The following METTL15 variants were observed in gnomAD, a reference collection of about 807,000 sequenced individuals.
METTL15 encodes the protein methyltransferase 15, mitochondrial 12S rRNA N4-cytidine.
Under a neutral mutation model 38.3 loss-of-function variants are expected in METTL15, and 34 were observed. The observed-to-expected ratio is 0.89, with a 90% CI of 0.68 to 1.18. METTL15 has a LOEUF of 1.18. METTL15 is among the 50% of genes most tolerant of loss of function. The probability of loss-of-function intolerance (pLI) is 0.00; values close to 1 mark genes in which losing one functional copy is unlikely to be tolerated. For missense variants in METTL15, 438 were observed against 498.4 expected (o/e 0.88, Z 1.15); for synonymous variants, 162 against 170.9 (o/e 0.95, Z 0.41).
chr11:28,355,045 C>T (rs1394964129), intron 4 of METTL15, among the ~76,000 whole-genome samples: 1 of 152,144 alleles, frequency 6.6e-6, no homozygotes, highest in Non-Finnish European at 1.5e-5. Flanking sequence ...TACAGGAGAA[C>T]TCTGAAGGAC....
chr11:28,167,484 C>T (rs1166102254), intron 3 of METTL15, among the ~76,000 whole-genome samples: 2 of 152,042 alleles, frequency 1.3e-5, no homozygotes, highest in African/African-American at 4.8e-5. Context: ...CTGTTACCAC[C>T]GTAGTACTTT....
chr11:28,223,032 A>C (rs992843591), intron 4 of METTL15, among the ~76,000 whole-genome samples: 2 of 152,172 alleles, frequency 1.3e-5, no homozygotes, highest in African/African-American at 4.8e-5. Flanking sequence ...GAGGATGTGC[A>C]GAAAAGGATA....
intron 3 of METTL15, among the ~76,000 whole-genome samples, chr11:28,208,006 C>T (rs1335896422): frequency 6.6e-6 from 1 of 151,980 alleles, no homozygotes; most frequent in African/African-American, 2.4e-5. Context: ...CTCATTTCTT[C>T]TTTATTAGTC....
chr11:28,336,839 C>T (rs1849905126), downstream of METTL15, among the ~76,000 whole-genome samples: 1 of 152,042 alleles, frequency 6.6e-6, no homozygotes, highest in Non-Finnish European at 1.5e-5. Flanking sequence ...GAGTGTACTC[C>T]TTGTACTTAT....
chr11:28,138,588 G>T (rs1849591930), intron 3 of METTL15, among the ~76,000 whole-genome samples: 1 of 152,172 alleles, frequency 6.6e-6, no homozygotes, highest in South Asian at 2.1e-4. Context: ...GAGAAAGAAA[G>T]ATTTAAGAAA....
chr11:28,503,083 G>T (rs537914678), intron 6 of METTL15, among the ~76,000 whole-genome samples: 2 of 152,148 alleles, frequency 1.3e-5, no homozygotes, highest in East Asian at 3.8e-4. Context: ...GTCCTTGAAC[G>T]CCTCCCAGGA....
At chr11:28,295,105 C>T (rs993673096) in intron 5 of METTL15, among the ~76,000 whole-genome samples, 18 of 152,012 alleles carry the variant, frequency 1.2e-4, no homozygotes, top group African/African-American at 3.1e-4. Context: ...ATTTAAGCCA[C>T]GAATTATGCC....
intron 6 of METTL15, among the ~76,000 whole-genome samples, chr11:28,480,749 G>A (rs758396691): frequency 1.4e-4 from 21 of 152,136 alleles, no homozygotes; most frequent in Admixed American, 8.5e-4. Flanking sequence ...TAAGCTATTC[G>A]TAATTCTCAT....
intron 3 of METTL15, among the ~76,000 whole-genome samples, chr11:28,204,240 C>A (rs1852224309): frequency 6.6e-6 from 1 of 151,916 alleles, no homozygotes; most frequent in African/African-American, 2.4e-5. Flanking sequence ...AATTCACTTT[C>A]ATTTTGATTC....
rs150879578 is a variant in METTL15, at chr11:28,206,209, T to G, written c.271-4853T>G. Among the ~76,000 whole-genome samples, 1,007 of 151,688 alleles carry G rather than the reference T, an allele frequency of 6.6e-3. 19 individuals are homozygous for G. The highest frequency in any genetic ancestry group is 0.023 in the Admixed American group (345 of 15,246). On this transcript the variant is annotated intron_variant, in intron 3 of 6. Coordinates refer to ENST00000407364, the MANE Select transcript of METTL15 (RefSeq NM_001113528.2). Reference sequence around the variant, plus strand: ...TGCCTATGTCCTAAATGGTAATGCCTAGGTTTTCTTCTAGGGTTTTTATGG... The same window carrying G: ...TGCCTATGTCCTAAATGGTAATGCCGAGGTTTTCTTCTAGGGTTTTTATGG...
At chr11:28,339,487 A>C (rs1849930911) in intron 3 of METTL15, among the ~76,000 whole-genome samples, 1 of 151,938 alleles carries the variant, frequency 6.6e-6, no homozygotes, top group Middle Eastern at 3.4e-3. Flanking sequence ...AAGATATTTC[A>C]GAAGGAAATA....
At chr11:28,154,273 T>G (rs1850189837) in intron 3 of METTL15, among the ~76,000 whole-genome samples, 1 of 152,126 alleles carries the variant, frequency 6.6e-6, no homozygotes, top group African/African-American at 2.4e-5. Context: ...AGCCACTTGA[T>G]TTCCCATTTT....
chr11:28,371,782 A>AT (rs1322062608), intron 5 of METTL15, among the ~76,000 whole-genome samples: 1 of 151,804 alleles, frequency 6.6e-6, no homozygotes, highest in Non-Finnish European at 1.5e-5. Flanking sequence ...TTCTTAATTT[A>AT]TTTTTCAGAT....
chr11:28,173,204 C>G (rs955239876), intron 3 of METTL15, among the ~76,000 whole-genome samples: 2 of 151,980 alleles, frequency 1.3e-5, no homozygotes, highest in African/African-American at 4.8e-5. Flanking sequence ...TATTTGTGTT[C>G]CCCACAAATT....
At chr11:28,213,557 G>A (rs921037321) in intron 4 of METTL15, among the ~76,000 whole-genome samples, 6 of 148,692 alleles carry the variant, frequency 4.0e-5, no homozygotes, top group South Asian at 2.1e-4. Flanking sequence ...TGTCATTACC[G>A]TAATAGAAAT....
In METTL15 at chr11:28,388,877, T is replaced by G. The variant is rs1320103555; in HGVS notation, c.*358+26841T>G. 2.0e-5 allele frequency among the ~76,000 whole-genome samples: 3 copies of G among 151,936 alleles called. 1 individual carries two copies. The highest frequency in any genetic ancestry group is 4.4e-5 in the Non-Finnish European group (3 of 67,996). The stretch of plus-strand genomic sequence containing the variant: ...CCCCGGTGTGTGATGTTCCCCTTCC[T>G]GTGTCCATGTGTTCTCATTGTTCAA... On this transcript the variant is annotated intron_variant and NMD_transcript_variant, in intron 5 of 7. Coordinates refer to the METTL15 transcript ENST00000532947.
At chr11:28,244,168 T>A (rs1854418900) in intron 4 of METTL15, among the ~76,000 whole-genome samples, 1 of 152,240 alleles carries the variant, frequency 6.6e-6, no homozygotes, top group African/African-American at 2.4e-5. Context: ...TGCAGAATTC[T>A]AGATCTTGGT....
At chr11:28,483,908 G>A (rs975102556) in intron 6 of METTL15, among the ~76,000 whole-genome samples, 1 of 151,936 alleles carries the variant, frequency 6.6e-6, no homozygotes, top group Non-Finnish European at 1.5e-5. Context: ...TAAACAATTG[G>A]TATCATTATT....
intron 3 of METTL15, chr11:28,197,574 T>G (rs1049824461): frequency 4.6e-6 from 2 of 433,236 alleles, no homozygotes; most frequent in South Asian, 3.4e-5. Context: ...CTAACAAGGA[T>G]TTCCTGGTGG....
Sources: gnomAD v4.1 joint callset for allele counts (sites outside exome capture counted in the v4.1 genomes callset) on GRCh38, gnomAD v4.1.1 for gene constraint, MANE v1.5 for transcripts, NCBI Gene and HGNC (gene_info 2026-07-23, HGNC 2026-07-21) for gene names.